The following MALRD1 variants were observed in gnomAD, a reference collection of about 807,000 sequenced individuals.
MALRD1 encodes MAM and LDL-receptor class A domain-containing protein 1.
A neutral mutation model predicts 242.1 loss-of-function variants in MALRD1; 247 were observed. The observed-to-expected ratio is 1.02, with a 90% CI of 0.92 to 1.13. The LOEUF is 1.13. Ranked by LOEUF, MALRD1 falls within the 50% of genes most tolerant of loss-of-function variation. MALRD1 has a pLI of 0.00. For missense variants in MALRD1, 2,989 were observed against 2,533.1 expected (o/e 1.18, Z -3.86); for synonymous variants, 995 against 866.6 (o/e 1.15, Z -2.60).
chr10:19,196,747 G>A (rs891978294), intron 14 of MALRD1, among the ~76,000 whole-genome samples: 1 of 151,958 alleles, frequency 6.6e-6, no homozygotes, highest in Non-Finnish European at 1.5e-5. Context: ...CTCCAAACCT[G>A]CCTCCCCACA....
intron 38 of MALRD1, among the ~76,000 whole-genome samples, chr10:19,716,187 A>G (rs1398061402): frequency 6.6e-6 from 1 of 152,170 alleles, no homozygotes; most frequent in African/African-American, 2.4e-5. Context: ...CCTCACACAG[A>G]TACGTATTTT....
chr10:19,655,967 A>G (rs1221606111), intron 36 of MALRD1, among the ~76,000 whole-genome samples: 2 of 152,180 alleles, frequency 1.3e-5, no homozygotes, highest in African/African-American at 2.4e-5. Flanking sequence ...GAGCTTGGAC[A>G]TGTTAATCAC....
At chr10:19,580,105 A>G (rs761365858) in intron 33 of MALRD1, among the ~76,000 whole-genome samples, 1 of 152,200 alleles carries the variant, frequency 6.6e-6, no homozygotes, top group African/African-American at 2.4e-5. Context: ...TCTGGGTTGC[A>G]GGCCTTATGG....
intron 36 of MALRD1, among the ~76,000 whole-genome samples, chr10:19,674,551 T>G (rs1301188072): frequency 1.3e-5 from 2 of 152,292 alleles, no homozygotes; most frequent in South Asian, 2.1e-4. Flanking sequence ...CTTTCTAATT[T>G]CAACATTCCC....
rs183575840 is a variant in MALRD1, at chr10:19,077,915, G to A, written c.341-9925G>A. On this transcript the variant is annotated intron_variant, in intron 2 of 39. Coordinates refer to ENST00000454679, the MANE Select transcript of MALRD1 (RefSeq NM_001142308.3). ...ACTTAATTATACTATTTTCTAAGTC[G>A]TGCATTGTTTTCATTCTTCAAACCT... is the stretch of plus-strand genomic sequence containing the variant. Among the ~76,000 whole-genome samples the A allele has an allele frequency of 2.8e-3, 418 of 151,804 alleles. 3 individuals carry two copies. The highest frequency in any genetic ancestry group is 8.6e-3 in the African/African-American group (358 of 41,466).
At chr10:19,392,234 G>T (rs548878715) in intron 28 of MALRD1, among the ~76,000 whole-genome samples, 5 of 152,006 alleles carry the variant, frequency 3.3e-5, no homozygotes, top group Non-Finnish European at 5.9e-5. Flanking sequence ...TTACTAAAGG[G>T]GTAGAGGAGT....
rs1398099812 is a variant in MALRD1, at chr10:19,656,445, G to A, written c.6138-35837G>A. Among the ~76,000 whole-genome samples, 3 of 152,006 alleles carry A rather than the reference G, an allele frequency of 2.0e-5. No homozygotes were observed. In the East Asian group the frequency reaches 5.8e-4, roughly 29 times the overall value. ...CAATTTACTAATTCTATAAATAAGT[G>A]TTTTTCTTTATTAAATATGATTTAG... On this transcript the variant is annotated intron_variant, in intron 36 of 39. Transcript: ENST00000454679.
At chr10:19,702,047 A>G (rs1172622322) in intron 38 of MALRD1, among the ~76,000 whole-genome samples, 2 of 152,120 alleles carry the variant, frequency 1.3e-5, no homozygotes, top group African/African-American at 2.4e-5. Context: ...ATGAAAGTCA[A>G]TTCATCTAGT....
At chr10:19,176,614 TC>T (rs1313324773) in intron 14 of MALRD1, among the ~76,000 whole-genome samples, 1 of 151,400 alleles carries the variant, frequency 6.6e-6, no homozygotes. Context: ...GACCTCATGA[TC>T]CACCCGCCTC....
intron 36 of MALRD1, among the ~76,000 whole-genome samples, chr10:19,638,940 A>G (rs1489968297): frequency 1.3e-5 from 2 of 151,934 alleles, no homozygotes; most frequent in Non-Finnish European, 2.9e-5. Context: ...TTGAAGCCTC[A>G]TGAATACTAA....
intron 28 of MALRD1, among the ~76,000 whole-genome samples, chr10:19,417,559 T>C (rs550231053): frequency 2.0e-5 from 3 of 152,306 alleles, no homozygotes; most frequent in Admixed American, 6.5e-5. Flanking sequence ...TGCACAGCTT[T>C]AGGCAGTGAA....
chr10:19,462,335 A>G (rs1437126065), intron 29 of MALRD1, among the ~76,000 whole-genome samples: 1 of 152,176 alleles, frequency 6.6e-6, no homozygotes, highest in Non-Finnish European at 1.5e-5. Flanking sequence ...AAGAGCCACC[A>G]TGCCCCCGAG....
intron 19 of MALRD1, among the ~76,000 whole-genome samples, chr10:19,260,459 CT>C (rs1456546698): frequency 1.3e-5 from 2 of 152,096 alleles, no homozygotes. Context: ...GAAATTTCAA[CT>C]GGGACATGGT....
chr10:19,096,575 T>A (rs757238777), intron 4 of MALRD1, among the ~76,000 whole-genome samples: 6 of 152,182 alleles, frequency 3.9e-5, no homozygotes, highest in Non-Finnish European at 7.3e-5. Flanking sequence ...TTTGCTTTTG[T>A]TTGGTGGGCC....
intron 28 of MALRD1, among the ~76,000 whole-genome samples, chr10:19,414,213 C>G (rs60163084): frequency 0.022 from 3,385 of 152,066 alleles, 127 homozygotes; most frequent in African/African-American, 0.077. Context: ...AGAACGTTGT[C>G]GTAGTGGTAG....
intron 16 of MALRD1, 101 bp downstream of exon 16, chr10:19,204,514 G>A: frequency 2.6e-6 from 2 of 761,152 alleles, no homozygotes; most frequent in Non-Finnish European, 4.1e-6. Context: ...GTGGTTTACT[G>A]CTGGTTTTAC....
intron 31 of MALRD1, among the ~76,000 whole-genome samples, chr10:19,525,731 G>A (rs1048348681): frequency 5.9e-5 from 9 of 152,132 alleles, no homozygotes; most frequent in Admixed American, 2.6e-4. Flanking sequence ...AATATTTGGT[G>A]TCAGTTTGGG....
At chr10:19,533,403 A>G (rs1834515585) in intron 32 of MALRD1, among the ~76,000 whole-genome samples, 2 of 152,112 alleles carry the variant, frequency 1.3e-5, no homozygotes, top group South Asian at 4.2e-4. Flanking sequence ...GAAATTGATA[A>G]TCAGCATGAT....
intron 28 of MALRD1, among the ~76,000 whole-genome samples, chr10:19,443,868 G>T (rs558372372): frequency 6.6e-6 from 1 of 152,254 alleles, no homozygotes. Flanking sequence ...TCAAGTCCTG[G>T]ATATCCTTGT....
Sources: gnomAD v4.1 joint callset for allele counts (sites outside exome capture counted in the v4.1 genomes callset) on GRCh38, gnomAD v4.1.1 for gene constraint, MANE v1.5 for transcripts, NCBI Gene and HGNC (gene_info 2026-07-23, HGNC 2026-07-21) for gene names.